Variants in RFX6 observed in about 807,000 individuals in gnomAD.
The protein encoded by RFX6 is DNA-binding protein RFX6.
In RFX6, 50 loss-of-function variants were observed where a neutral mutation model predicts 110.8. That is an observed-to-expected ratio of 0.45 (90% CI 0.36 to 0.57). The LOEUF is 0.57. Ranked by LOEUF, RFX6 falls within the 20% of genes least tolerant of loss-of-function variation. RFX6 has a pLI of 0.00. For synonymous variants in RFX6, 383 were observed against 411.2 expected, an observed-to-expected ratio of 0.93 and a Z score of 0.83; for missense variants, 990 against 1,127.0, an observed-to-expected ratio of 0.88 and a Z score of 1.74.
chr6:116,925,967 A>G (rs963223464), intron 16 of RFX6, among the ~76,000 whole-genome samples: 4 of 152,180 alleles, frequency 2.6e-5, no homozygotes, highest in Non-Finnish European at 5.9e-5. Flanking sequence ...TTGAAGATCA[A>G]AAAAATGGGT....
intron 10 of RFX6, 59 bp from the exon 11 acceptor site, chr6:116,919,076 AAT>A (rs1207529380): frequency 1.3e-5 from 19 of 1,457,828 alleles, no homozygotes; most frequent in African/African-American, 2.8e-5. Flanking sequence ...CCTCAATTAA[AAT>A]ATGATTGTTT....
At chr6:116,920,237 T>C (rs775469683) in intron 11 of RFX6, 73 bp from the exon 12 acceptor site, 11 of 1,192,622 alleles carry the variant, frequency 9.2e-6, no homozygotes, top group Non-Finnish European at 1.4e-5. Flanking sequence ...ACTATTTTTC[T>C]GATAGCTAAA....
chr6:116,915,937 G>A lies in RFX6; in HGVS notation c.781-71G>A, dbSNP rs569579147. ...TAATAGGATCTTTTAAAAAATCTGT[G>A]TTGAACAAATTAACAAGAAAAGGCA... On this transcript the variant is annotated intron_variant, in intron 7 of 18. Coordinates refer to ENST00000332958, the MANE Select transcript of RFX6 (RefSeq NM_173560.4). The A allele has an allele frequency of 9.0e-4, 962 of 1,066,562 alleles. 2 individuals are homozygous for A. The highest frequency in any genetic ancestry group is 1.3e-3 in the Non-Finnish European group (905 of 683,424). The allele number at this position is 1,066,562 out of a possible 1,614,324, so 66.1% of individuals were successfully genotyped here. A position where few individuals can be genotyped will look rare whatever the true frequency, so the allele number is the denominator to read the frequency against.
At chr6:116,893,948 C>T in intron 4 of RFX6, 39 bp from the exon 5 acceptor site, 1 of 1,198,410 alleles carries the variant, frequency 8.3e-7, no homozygotes, top group Non-Finnish European at 1.2e-6. Flanking sequence ...CCAAAAATCT[C>T]CTTCACTAAC....
intron 10 of RFX6, among the ~76,000 whole-genome samples, chr6:116,918,403 CA>C (rs1775519656): frequency 6.6e-6 from 1 of 151,496 alleles, no homozygotes; most frequent in African/African-American, 2.4e-5. Flanking sequence ...GGAAAATAAC[CA>C]CAAGAATAAA....
chr6:116,894,296 G>A (rs1405613908), intron 5 of RFX6, among the ~76,000 whole-genome samples: 2 of 152,110 alleles, frequency 1.3e-5, no homozygotes, highest in Non-Finnish European at 2.9e-5. Context: ...GAGAGATGAA[G>A]AGGAGAAATC....
chr6:116,902,463 T>G (rs1562139337), intron 6 of RFX6, among the ~76,000 whole-genome samples: 1 of 152,084 alleles, frequency 6.6e-6, no homozygotes, highest in Non-Finnish European at 1.5e-5. Context: ...TTTAAAATTT[T>G]TATTCATAAA....
rs766968648 is a variant in RFX6 at position 116,928,775 on chromosome 6, C to A, written c.2415C>A (p.Asn805Lys). Residue 805 changes from asparagine (N) to lysine (K), a missense_variant, in exon 18 of 19, where the codon AAC becomes AAA. This residue lies in a region of RFX6 where 438 missense variants were observed against 441.9 expected (regional missense o/e 0.99). Transcript: ENST00000332958. ...PNSPNGYYGS[N>K]INYPESHRLG... ...CTGTTACAGGATACTATGGAAGCAA[C>A]ATAAACTACCCAGAGTCTCACAGGC... 1.2e-6 allele frequency: 2 copies of A among 1,612,918 alleles called. No homozygotes were observed. Among genetic ancestry groups the A allele is most frequent in the South Asian group, 2.2e-5 (2 of 91,060 alleles).
chr6:116,891,121 C>T (rs971767281), intron 4 of RFX6, among the ~76,000 whole-genome samples: 1 of 152,126 alleles, frequency 6.6e-6, no homozygotes, highest in Admixed American at 6.5e-5. Context: ...TCCATGACAG[C>T]AGGCATCAGA....
At chr6:116,893,234 A>G (rs1268569489) in intron 4 of RFX6, among the ~76,000 whole-genome samples, 1 of 152,182 alleles carries the variant, frequency 6.6e-6, no homozygotes, top group Non-Finnish European at 1.5e-5. Flanking sequence ...CTAAATGCCC[A>G]CTATTCCACT....
At chr6:116,919,546 T>C (rs866419853) in intron 11 of RFX6, among the ~76,000 whole-genome samples, 4 of 136,454 alleles carry the variant, frequency 2.9e-5, no homozygotes, top group South Asian at 4.8e-4. Flanking sequence ...TAATATACAA[T>C]AGTTACAGAA....
chr6:116,881,696 C>G (rs1204451350), intron 3 of RFX6, among the ~76,000 whole-genome samples: 1 of 151,894 alleles, frequency 6.6e-6, no homozygotes, highest in Admixed American at 6.6e-5. Flanking sequence ...GTGAGTCTAC[C>G]TTATGGGAAT....
intron 7 of RFX6, among the ~76,000 whole-genome samples, chr6:116,912,464 A>G (rs1309688721): frequency 6.6e-6 from 1 of 152,134 alleles, no homozygotes; most frequent in Non-Finnish European, 1.5e-5. Context: ...CTCCCATTAC[A>G]TTTCTCAAGG....
Position 116,926,989 on chromosome 6 carries a change from A to C in RFX6, c.1886-38A>C, listed in dbSNP as rs373781610. ...TAAAGATGTGAGCTCATCTACTTTAATATGACACTAAAGGAATGTTCTGGT... is the reference window on the plus strand; with the variant it reads ...TAAAGATGTGAGCTCATCTACTTTACTATGACACTAAAGGAATGTTCTGGT... On this transcript the variant is annotated intron_variant, in intron 16 of 18. Coordinates refer to ENST00000332958, the MANE Select transcript of RFX6 (RefSeq NM_173560.4). 2.4e-5 allele frequency: 38 copies of C among 1,565,308 alleles called. No individual in the cohort carries two copies. The African/African-American group carries it at 4.5e-4, about 18-fold the overall frequency.
At chr6:116,930,379 A>C (rs551221658) in intron 18 of RFX6, among the ~76,000 whole-genome samples, 1 of 152,136 alleles carries the variant, frequency 6.6e-6, no homozygotes, top group African/African-American at 2.4e-5. Flanking sequence ...TTGAGAACCG[A>C]CTAGGAGCCA....
chr6:116,928,626 C>G (rs1716567214), intron 17 of RFX6, 133 bp from the exon 18 acceptor site: 1 of 710,844 alleles, frequency 1.4e-6, no homozygotes, highest in African/African-American at 1.7e-5. Flanking sequence ...AGTTCTGTAG[C>G]ATGTATAGAT....
intron 6 of RFX6, among the ~76,000 whole-genome samples, chr6:116,909,090 G>T (rs1483170471): frequency 6.6e-6 from 1 of 151,800 alleles, no homozygotes; most frequent in Non-Finnish European, 1.5e-5. Flanking sequence ...AATCTTTTGA[G>T]TCTGTTTTTT....
At chr6:116,910,616 C>G (rs1482661091) in intron 6 of RFX6, among the ~76,000 whole-genome samples, 1 of 152,200 alleles carries the variant, frequency 6.6e-6, no homozygotes, top group Non-Finnish European at 1.5e-5. Flanking sequence ...AAAGGCAGAT[C>G]TTCCTAAACT....
intron 2 of RFX6, among the ~76,000 whole-genome samples, chr6:116,878,937 G>A (rs1400989111): frequency 6.6e-6 from 1 of 151,752 alleles, no homozygotes; most frequent in Non-Finnish European, 1.5e-5. Context: ...TTCATCTAAA[G>A]TTGGAGTTTA....
Sources: allele counts gnomAD v4.1 joint callset (sites outside exome capture counted in the v4.1 genomes callset), GRCh38; gene constraint gnomAD v4.1.1; regional missense constraint gnomAD v4.1.1; transcripts MANE v1.5; gene names NCBI Gene and HGNC (gene_info 2026-07-23, HGNC 2026-07-21).